Variants in SNTG1 observed in about 807,000 individuals in gnomAD.
The protein encoded by SNTG1 is syntrophin gamma 1.
SNTG1 carries 39 observed loss-of-function variants against 74.7 expected under a neutral mutation model. The ratio of observed to expected loss-of-function variants is 0.52; its 90% CI spans 0.40 to 0.68. The LOEUF (loss-of-function observed/expected upper bound fraction) is 0.68. Ranked by LOEUF, SNTG1 falls within the 30% of genes least tolerant of loss-of-function variation. The pLI is 0.00. For synonymous variants in SNTG1, 254 were observed against 217.1 expected (o/e 1.17, Z -1.49); for missense variants, 685 against 609.5 (o/e 1.12, Z -1.30).
At chr8:50,177,962 C>T (rs528292732) in intron 2 of SNTG1, among the ~76,000 whole-genome samples, 2 of 152,272 alleles carry the variant, frequency 1.3e-5, no homozygotes, top group East Asian at 3.9e-4. Context: ...TAATTGGAAT[C>T]CTACAGTAGA....
chr8:50,237,378 T>G (rs552659004), intron 2 of SNTG1, among the ~76,000 whole-genome samples: 1 of 152,318 alleles, frequency 6.6e-6, no homozygotes, highest in South Asian at 2.1e-4. Flanking sequence ...ATCTATCAGA[T>G]GCCGTGTGTT....
intron 2 of SNTG1, among the ~76,000 whole-genome samples, chr8:50,307,836 G>A (rs551984987): frequency 6.6e-6 from 1 of 151,998 alleles, no homozygotes. Flanking sequence ...TAGGAAAGAG[G>A]TTACAAAAGG....
At chr8:50,470,945 G>A (rs887445865) in intron 8 of SNTG1, among the ~76,000 whole-genome samples, 1 of 152,142 alleles carries the variant, frequency 6.6e-6, no homozygotes, top group Admixed American at 6.6e-5. Flanking sequence ...TTTACAGAGT[G>A]CTGATTGGTT....
chr8:50,438,404 C>A (rs1252382332), intron 4 of SNTG1, 139 bp from the exon 5 acceptor site: 9 of 611,864 alleles, frequency 1.5e-5, no homozygotes, highest in Non-Finnish European at 1.7e-5. Flanking sequence ...TGTGGAGGCA[C>A]TATCCCAGCA....
At chr8:50,366,653 T>C (rs2131112416) in intron 2 of SNTG1, among the ~76,000 whole-genome samples, 1 of 147,402 alleles carries the variant, frequency 6.8e-6, no homozygotes, top group South Asian at 2.1e-4. Context: ...ATATATATAT[T>C]ATTTTGTAAT....
At chr8:50,211,104 T>C (rs2084502003) in intron 2 of SNTG1, among the ~76,000 whole-genome samples, 1 of 152,126 alleles carries the variant, frequency 6.6e-6, no homozygotes, top group East Asian at 1.9e-4. Flanking sequence ...AAATATGTAA[T>C]GTAGTATAAT....
intron 11 of SNTG1, among the ~76,000 whole-genome samples, chr8:50,543,379 G>A (rs1019633712): frequency 2.0e-5 from 3 of 152,152 alleles, no homozygotes; most frequent in Non-Finnish European, 4.4e-5. Flanking sequence ...TGAGTTGGCT[G>A]TTAATGAGAG....
intron 8 of SNTG1, among the ~76,000 whole-genome samples, chr8:50,484,102 C>CTTTCTT (rs1323657665): frequency 1.5e-3 from 164 of 110,866 alleles, no homozygotes; most frequent in East Asian, 9.9e-3. Context: ...CTTTCTTTCT[C>CTTTCTT]TCTTTCTTTC....
intron 2 of SNTG1, among the ~76,000 whole-genome samples, chr8:50,377,797 G>T (rs540075687): frequency 2.4e-4 from 36 of 152,160 alleles, no homozygotes; most frequent in Non-Finnish European, 4.7e-4. Context: ...TGAGACTGCA[G>T]TTATTTTGAT....
chr8:50,708,831 A>G, intron 16 of SNTG1, 55 bp from the exon 17 acceptor site: 2 of 1,120,942 alleles, frequency 1.8e-6, no homozygotes, highest in Admixed American at 3.4e-5. Context: ...ATAGTTCATA[A>G]TATTGATATT....
intron 9 of SNTG1, among the ~76,000 whole-genome samples, chr8:50,514,596 G>T (rs2094115599): frequency 6.6e-6 from 1 of 152,038 alleles, no homozygotes; most frequent in African/African-American, 2.4e-5. Context: ...AAAGATATTT[G>T]ATATGATTTC....
chr8:49,983,400 C>G (rs545387000), intron 1 of SNTG1, among the ~76,000 whole-genome samples: 12 of 152,126 alleles, frequency 7.9e-5, no homozygotes, highest in Admixed American at 7.9e-4. Flanking sequence ...ATCATTTATA[C>G]TGCATTCAAT....
At chr8:50,222,254 T>G (rs1370710846) in intron 2 of SNTG1, among the ~76,000 whole-genome samples, 1 of 152,194 alleles carries the variant, frequency 6.6e-6, no homozygotes, top group East Asian at 1.9e-4. Flanking sequence ...CCTCCTAACC[T>G]GGTGGTCTTT....
At chr8:50,275,446 T>C (rs1244184600) in intron 2 of SNTG1, among the ~76,000 whole-genome samples, 1 of 152,192 alleles carries the variant, frequency 6.6e-6, no homozygotes, top group Non-Finnish European at 1.5e-5. Context: ...AGCATATTAG[T>C]TTATATCTTT....
rs1197485376 is a variant in SNTG1 at position 50,505,681 on chromosome 8, T to C, written c.466+2801T>C. Among the ~76,000 whole-genome samples the C allele has an allele frequency of 3.3e-5, 5 of 152,282 alleles. No homozygotes were observed. In the East Asian group the frequency reaches 7.7e-4, roughly 23 times the overall value. On this transcript the variant is annotated intron_variant, in intron 9 of 18. Transcript: ENST00000642720. ...TGAAGACATGTCTATTCAAGTCTAC[T>C]ATCCAGTTTTAAATCTGGTTATTTG...
At chr8:50,663,642 C>A (rs2095236425) in intron 15 of SNTG1, among the ~76,000 whole-genome samples, 1 of 152,182 alleles carries the variant, frequency 6.6e-6, no homozygotes, top group South Asian at 2.1e-4. Context: ...AAAAGACAAC[C>A]TGCATTTTCA....
At chr8:50,039,282 T>C (rs147366450) in intron 1 of SNTG1, among the ~76,000 whole-genome samples, 62 of 151,808 alleles carry the variant, frequency 4.1e-4, no homozygotes, top group African/African-American at 1.3e-3. Context: ...GGTGAAATAC[T>C]GTGTCTACTA....
At chr8:50,716,883 C>T (rs1187881035) in intron 17 of SNTG1, among the ~76,000 whole-genome samples, 1 of 151,932 alleles carries the variant, frequency 6.6e-6, no homozygotes, top group African/African-American at 2.4e-5. Flanking sequence ...CAGGGGCCCG[C>T]CACCATGCCC....
At chr8:50,557,221 CA>C (rs570613406) in intron 12 of SNTG1, among the ~76,000 whole-genome samples, 5,157 of 71,544 alleles carry the variant, frequency 0.072, 106 homozygotes, top group Middle Eastern at 0.13. Context: ...GGGAGAAAAC[CA>C]AAAAAAAAAA....
Sources: gnomAD v4.1 joint callset for allele counts (sites outside exome capture counted in the v4.1 genomes callset) on GRCh38, gnomAD v4.1.1 for gene constraint, MANE v1.5 for transcripts, NCBI Gene and HGNC (gene_info 2026-07-23, HGNC 2026-07-21) for gene names.